The following C3orf20 variants were observed in gnomAD, a reference collection of about 807,000 sequenced individuals.
C3orf20 encodes the protein family with sequence similarity 149 member C.
Under a neutral mutation model 88.3 loss-of-function variants are expected in C3orf20, and 76 were observed. The ratio of observed to expected loss-of-function variants is 0.86; its 90% confidence interval spans 0.72 to 1.04. The LOEUF (loss-of-function observed/expected upper bound fraction) is 1.04, where lower values mean the gene tolerates loss of function less well. Ranked by LOEUF, C3orf20 falls within the 50% of genes least tolerant of loss-of-function variation. The pLI, the probability that C3orf20 is intolerant of heterozygous loss-of-function variation, is 0.00. For missense variants in C3orf20, 1,056 were observed against 1,123.3 expected (o/e 0.94, Z 0.86); for synonymous variants, 436 against 437.4 (o/e 1.00, Z 0.04).
chr3:14,675,289 C>G (rs1321662206), intron 1 of C3orf20, 37 bp downstream of exon 1: 1 of 152,180 alleles, frequency 6.6e-6, no homozygotes, highest in Non-Finnish European at 1.5e-5. Context: ...CATTGACCCA[C>G]TGAAAAAATG....
chr3:14,717,299 T>C (rs1044114960), intron 9 of C3orf20, among the ~76,000 whole-genome samples: 1 of 152,204 alleles, frequency 6.6e-6, no homozygotes, highest in South Asian at 2.1e-4. Context: ...TTGACTGTTA[T>C]ATATTTCCTG....
chr3:14,683,241 A>G, intron 3 of C3orf20, 44 bp downstream of exon 3: 1 of 1,519,130 alleles, frequency 6.6e-7, no homozygotes, highest in Non-Finnish European at 8.8e-7. Flanking sequence ...CACCCACTAC[A>G]GACGGGCGTC....
intron 12 of C3orf20, among the ~76,000 whole-genome samples, chr3:14,730,693 A>G (rs185643703): frequency 6.6e-6 from 1 of 152,268 alleles, no homozygotes; most frequent in African/African-American, 2.4e-5. Flanking sequence ...GTCATTGAGT[A>G]TGTGTATGTT....
intron 7 of C3orf20, among the ~76,000 whole-genome samples, chr3:14,707,820 C>CTTTTT (rs60474912): frequency 0.74 from 90,403 of 121,682 alleles, 35,072 homozygotes; most frequent in Non-Finnish European, 0.83. Context: ...GTGTTTTCCT[C>CTTTTT]TTTTTTTTTT....
At chr3:14,711,627 C>CTTTTT (rs35966332) in intron 7 of C3orf20, among the ~76,000 whole-genome samples, 11 of 72,626 alleles carry the variant, frequency 1.5e-4, no homozygotes, top group Admixed American at 3.4e-4. Flanking sequence ...ATCCTGCCAG[C>CTTTTT]TTTTTTTTTT....
intron 10 of C3orf20, chr3:14,722,684 A>G (rs988519804): frequency 1.8e-5 from 8 of 434,916 alleles, no homozygotes; most frequent in Middle Eastern, 4.6e-4. Context: ...GATTCCCTCT[A>G]ATGTCTGTTG....
In C3orf20 at chr3:14,728,563, AC is replaced by A. The variant is rs749222557; in HGVS notation, c.1816del (p.Arg606AspfsTer15). On this transcript the variant is annotated frameshift_variant, in exon 12 of 17. Coordinates refer to ENST00000253697, the MANE Select transcript of C3orf20 (RefSeq NM_032137.5). LOFTEE classifies it high-confidence loss of function. ...GTTTATACTCAGGAGAAAGTCTTTT[AC>A]GATCTCAGTCAGGCCACCTGGAATC... ...LSLYSGESLL[R>X]SQSGHLESSI... is the part of the protein sequence containing the mutation. 10 of 1,614,140 alleles carry A rather than the reference AC, an allele frequency of 6.2e-6. No homozygotes were observed. The Admixed American group carries it at 1.2e-4, about 19-fold the overall frequency.
chr3:14,764,662 C>T (rs1056987428), intron 15 of C3orf20, among the ~76,000 whole-genome samples: 7 of 152,056 alleles, frequency 4.6e-5, no homozygotes, highest in Admixed American at 1.3e-4. Context: ...CCAAGGTTTG[C>T]GCACTCCCAT....
At position 14,689,316 on chromosome 3, in the gene C3orf20, C is replaced by T. The variant is rs574028312; in HGVS notation, c.626-681C>T. ...ATTGTGGAATCTCTATAGTCTTTGT[C>T]CACTTAGGAGGTCAAATTTGCCATT... On this transcript the variant is annotated intron_variant, in intron 4 of 16. Coordinates refer to ENST00000253697, the MANE Select transcript of C3orf20 (RefSeq NM_032137.5). 7.8e-4 allele frequency among the ~76,000 whole-genome samples: 118 copies of T among 152,234 alleles called. No individual in the cohort carries two copies. The Middle Eastern group carries it at 0.037, about 48-fold the overall frequency.
Position 14,732,130 on chromosome 3 carries a change from A to G in C3orf20, c.1940+3442A>G, listed in dbSNP as rs191653263. Among the ~76,000 whole-genome samples, 6 of 152,336 alleles carry G rather than the reference A, an allele frequency of 3.9e-5. No individual in the cohort carries two copies. The East Asian group carries it at 5.8e-4, about 15-fold the overall frequency. ...CCACCAACAATGTATGAGAGTTCCA[A>G]TTGCTCCAAATCTTTGTTAGCACTT... On this transcript the variant is annotated intron_variant, in intron 12 of 16. Transcript: ENST00000253697.
intron 1 of C3orf20, among the ~76,000 whole-genome samples, chr3:14,679,465 G>A (rs1559390053): frequency 6.6e-6 from 1 of 152,226 alleles, no homozygotes; most frequent in Non-Finnish European, 1.5e-5. Flanking sequence ...GCCTGGAGGT[G>A]GATGGTTGAG....
chr3:14,761,464 T>C lies in C3orf20; in HGVS notation c.2353-9T>C. On this transcript the variant is annotated splice_polypyrimidine_tract_variant and intron_variant, in intron 14 of 16. Transcript: ENST00000253697. Reference sequence around the variant, plus strand: ...TGAGGATCTCTCCTCATTTCCTTCCTGTCAACAGATGTTTGCCGGGGGGAA... The same window carrying C: ...TGAGGATCTCTCCTCATTTCCTTCCCGTCAACAGATGTTTGCCGGGGGGAA... The C allele has an allele frequency of 1.2e-6, 2 of 1,614,054 alleles. No individual in the cohort carries two copies. The highest frequency in any genetic ancestry group is 2.2e-5 in the South Asian group (2 of 91,086).
chr3:14,726,682 G>T (rs1451022351), intron 10 of C3orf20, among the ~76,000 whole-genome samples: 1 of 152,148 alleles, frequency 6.6e-6, no homozygotes, highest in Non-Finnish European at 1.5e-5. Flanking sequence ...CTGCCCAGTC[G>T]AATCAAGGAA....
chr3:14,684,986 C>T (rs2032318508), intron 4 of C3orf20, among the ~76,000 whole-genome samples: 1 of 152,098 alleles, frequency 6.6e-6, no homozygotes. Flanking sequence ...GAGTTCAAGA[C>T]CAGCTTGGGT....
chr3:14,701,947 A>AT lies in C3orf20; in HGVS notation c.746-1182dup, dbSNP rs1406127560. On this transcript the variant is annotated intron_variant, in intron 5 of 16. Coordinates refer to ENST00000253697, the MANE Select transcript of C3orf20 (RefSeq NM_032137.5). The surrounding 1 kb of genome is among the most constrained non-coding windows in gnomAD (Gnocchi z 4.6). Reference sequence around the variant, plus strand: ...CAACAATTCCTGGTGAGCATCAATGATACCCCCAATATTCTGACATTTAAA... The same window carrying AT: ...CAACAATTCCTGGTGAGCATCAATGATTACCCCCAATATTCTGACATTTAAA... 1.4e-4 allele frequency among the ~76,000 whole-genome samples: 21 copies of AT among 152,222 alleles called. 1 individual carries two copies. The highest frequency in any genetic ancestry group is 5.1e-4 in the African/African-American group (21 of 41,526).
chr3:14,758,071 T>C (rs1208482535), intron 13 of C3orf20, among the ~76,000 whole-genome samples: 1 of 152,174 alleles, frequency 6.6e-6, no homozygotes, highest in Non-Finnish European at 1.5e-5. Flanking sequence ...GTACCCACTG[T>C]GTGCTGGGCA....
Position 14,772,089 on chromosome 3 carries a change from C to T in C3orf20, c.2518C>T (p.Leu840=). The T allele has an allele frequency of 6.2e-7, 1 of 1,614,216 alleles. No individual in the cohort carries two copies. The highest frequency in any genetic ancestry group is 1.1e-5 in the South Asian group (1 of 91,084). Residue 840 remains leucine, a synonymous_variant, in exon 16 of 17, where the codon CTG becomes TTG. Coordinates refer to ENST00000253697, the MANE Select transcript of C3orf20 (RefSeq NM_032137.5). The surrounding 1 kb of genome is among the most constrained non-coding windows in gnomAD (Gnocchi z 4.2). ...KFSVPNSVLS[L]EDSESVKKAE... ...CAGTGTTCCCAACTCTGTCCTGAGC[C>T]TGGAGGATTCTGAATCAGTCAAGAA...
At chr3:14,728,897 C>T (rs2034449878) in intron 12 of C3orf20, among the ~76,000 whole-genome samples, 1 of 152,082 alleles carries the variant, frequency 6.6e-6, no homozygotes. Flanking sequence ...TGGGTTAGGG[C>T]AGGGGTTGGC....
intron 5 of C3orf20, among the ~76,000 whole-genome samples, chr3:14,692,260 C>T (rs753847784): frequency 8.5e-5 from 13 of 152,138 alleles, no homozygotes; most frequent in Non-Finnish European, 1.3e-4. Context: ...CAGGTATATA[C>T]CTACGTGTGG....
Sources: allele counts gnomAD v4.1 joint callset (sites outside exome capture counted in the v4.1 genomes callset), GRCh38; gene constraint gnomAD v4.1.1; non-coding constraint Gnocchi (gnomAD v3.1); transcripts MANE v1.5; gene names NCBI Gene and HGNC (gene_info 2026-07-23, HGNC 2026-07-21).